CSMD1: variants seen among roughly 807,000 people sequenced by gnomAD.
The protein encoded by CSMD1 is CUB and sushi domain-containing protein 1.
Under a neutral mutation model 417.5 loss-of-function variants are expected in CSMD1, and 213 were observed. That is an observed-to-expected ratio of 0.51 (90% CI 0.46 to 0.57). The LOEUF (loss-of-function observed/expected upper bound fraction) is 0.57. Among genes scored for constraint, CSMD1 ranks in the 20% least tolerant of loss-of-function variants. CSMD1 has a pLI of 0.00. For missense variants in CSMD1, 6,923 were observed against 4,529.7 expected, an observed-to-expected ratio of 1.53 and a Z score of -15.17; for synonymous variants, 2,862 against 1,736.8, an observed-to-expected ratio of 1.65 and a Z score of -16.11.
intron 1 of CSMD1, among the ~76,000 whole-genome samples, chr8:4,831,199 G>A (rs1421347917): frequency 6.6e-6 from 1 of 152,190 alleles, no homozygotes; most frequent in African/African-American, 2.4e-5. Flanking sequence ...ACTATTGGCA[G>A]ATGTCCTTTC....
chr8:3,999,580 G>C (rs772280993), intron 4 of CSMD1, among the ~76,000 whole-genome samples: 1 of 152,174 alleles, frequency 6.6e-6, no homozygotes, highest in Non-Finnish European at 1.5e-5. Flanking sequence ...AAGAATGCCA[G>C]GGGCATAGGG....
chr8:4,401,164 C>A (rs73658847), intron 3 of CSMD1, among the ~76,000 whole-genome samples: 87 of 152,166 alleles, frequency 5.7e-4, no homozygotes, highest in Non-Finnish European at 9.3e-4. Flanking sequence ...TTCATCAAAA[C>A]AGGGGTTCCA....
chr8:4,093,868 G>C (rs1003504276), intron 3 of CSMD1, among the ~76,000 whole-genome samples: 2 of 152,100 alleles, frequency 1.3e-5, no homozygotes, highest in Non-Finnish European at 2.9e-5. Context: ...GCTGAGGCAG[G>C]AGAATCACTT....
At chr8:4,667,111 T>G (rs1031714746) in intron 1 of CSMD1, among the ~76,000 whole-genome samples, 2 of 152,184 alleles carry the variant, frequency 1.3e-5, no homozygotes, top group Non-Finnish European at 2.9e-5. Flanking sequence ...AAAGACTATT[T>G]TTTCTCCATT....
chr8:3,577,119 C>T (rs545392898), intron 9 of CSMD1, among the ~76,000 whole-genome samples: 3 of 152,154 alleles, frequency 2.0e-5, no homozygotes, highest in Non-Finnish European at 2.9e-5. Flanking sequence ...TGTTCCCAGC[C>T]GGAAAGATCC....
chr8:4,801,055 A>G (rs1798257148), intron 1 of CSMD1, among the ~76,000 whole-genome samples: 1 of 152,222 alleles, frequency 6.6e-6, no homozygotes, highest in Non-Finnish European at 1.5e-5. Context: ...AAAAAGTAAA[A>G]GGGAAAAAAA....
At chr8:3,110,410 A>G (rs1462647143) in intron 42 of CSMD1, 75 bp from the exon 43 acceptor site, 3 of 1,262,068 alleles carry the variant, frequency 2.4e-6, no homozygotes, top group African/African-American at 1.5e-5. Flanking sequence ...ATTTGACTCC[A>G]AAGTACCTTA....
At chr8:3,686,468 T>C (rs1391490301) in intron 7 of CSMD1, among the ~76,000 whole-genome samples, 1 of 152,148 alleles carries the variant, frequency 6.6e-6, no homozygotes, top group African/African-American at 2.4e-5. Flanking sequence ...TATGCTGCTC[T>C]GGCATGTTTA....
At position 4,785,696 on chromosome 8, in the gene CSMD1, G is replaced by C. The variant is rs546607342; in HGVS notation, c.86-148138C>G. On this transcript the variant is annotated intron_variant, in intron 1 of 69. Coordinates refer to ENST00000635120, the MANE Select transcript of CSMD1 (RefSeq NM_033225.6). ...ACTGACAAAATGAAGAAAGGAGAAA[G>C]GAAGGGAGGATCACCCTTTATAATA... Among the ~76,000 whole-genome samples, 32 of 152,148 alleles carry C rather than the reference G, an allele frequency of 2.1e-4. No individual in the cohort carries two copies. The South Asian group carries it at 6.0e-3, about 29-fold the overall frequency.
chr8:4,852,264 G>A (rs1417362511), intron 1 of CSMD1, among the ~76,000 whole-genome samples: 1 of 152,120 alleles, frequency 6.6e-6, no homozygotes, highest in African/African-American at 2.4e-5. Context: ...TTTGGAGGTG[G>A]GGCCTTGTGG....
At chr8:4,172,886 C>T (rs904104378) in intron 3 of CSMD1, among the ~76,000 whole-genome samples, 2 of 152,116 alleles carry the variant, frequency 1.3e-5, no homozygotes, top group African/African-American at 2.4e-5. Context: ...GAGCCCAGCC[C>T]ATTCCAGGAG....
In CSMD1 at chr8:4,539,849, T is replaced by C. The variant is rs1306265657; in HGVS notation, c.302+97493A>G. Among the ~76,000 whole-genome samples, 5 of 152,288 alleles carry C rather than the reference T, an allele frequency of 3.3e-5. No individual in the cohort carries two copies. In the East Asian group the frequency reaches 9.7e-4, roughly 29 times the overall value. On this transcript the variant is annotated intron_variant, in intron 2 of 69. Transcript: ENST00000635120. ...TGTATGAAATAGTTTTCCCAAACTC[T>C]TTTCTGGGTCACCTTCTGCCTCAAG... is the stretch of plus-strand genomic sequence containing the variant.
At chr8:3,953,799 C>G (rs564992342) in intron 5 of CSMD1, among the ~76,000 whole-genome samples, 2 of 152,048 alleles carry the variant, frequency 1.3e-5, no homozygotes, top group Non-Finnish European at 2.9e-5. Flanking sequence ...CACCTCAGAG[C>G]TATACAGCCA....
intron 3 of CSMD1, among the ~76,000 whole-genome samples, chr8:4,247,478 T>C (rs184625814): frequency 5.4e-4 from 83 of 152,300 alleles, no homozygotes; most frequent in Non-Finnish European, 1.0e-3. Flanking sequence ...TATCTCAATA[T>C]TTATGCAGGC....
intron 3 of CSMD1, among the ~76,000 whole-genome samples, chr8:4,094,720 G>A (rs1026684826): frequency 6.6e-6 from 1 of 152,126 alleles, no homozygotes; most frequent in Non-Finnish European, 1.5e-5. Flanking sequence ...ACAGGGCAGT[G>A]GGGAGCCTCC....
chr8:3,627,444 C>G (rs543176084), intron 7 of CSMD1, among the ~76,000 whole-genome samples: 1 of 152,220 alleles, frequency 6.6e-6, no homozygotes, highest in South Asian at 2.1e-4. Flanking sequence ...TTAACATGCA[C>G]TGAGAAGACT....
intron 25 of CSMD1, among the ~76,000 whole-genome samples, chr8:3,306,663 CAG>C (rs1491080648): frequency 7.9e-5 from 12 of 152,118 alleles, no homozygotes; most frequent in African/African-American, 1.2e-4. Flanking sequence ...AACAATGAAA[CAG>C]AAAGGTTAAT....
At chr8:4,899,822 T>C (rs950594688) in intron 1 of CSMD1, among the ~76,000 whole-genome samples, 6 of 152,174 alleles carry the variant, frequency 3.9e-5, no homozygotes, top group Admixed American at 1.3e-4. Context: ...TCACACAGTG[T>C]AACAAATAAG....
At position 4,543,635 on chromosome 8, in the gene CSMD1, A is replaced by C. The variant is rs986089478; in HGVS notation, c.302+93707T>G. ...CAATTCATTTCAGTAGATACCTATG[A>C]TGGCTGGATCATATGGGAAGGACAC... On this transcript the variant is annotated intron_variant, in intron 2 of 69. Transcript: ENST00000635120. 6.7e-5 allele frequency among the ~76,000 whole-genome samples: 9 copies of C among 134,958 alleles called. No individual in the cohort carries two copies. The Admixed American group carries it at 7.2e-4, about 11-fold the overall frequency. 88.5% of individuals were successfully genotyped at this position (134,958 alleles called of 152,430 possible).
Sources: gnomAD v4.1 joint callset for allele counts (sites outside exome capture counted in the v4.1 genomes callset) on GRCh38, gnomAD v4.1.1 for gene constraint, MANE v1.5 for transcripts, NCBI Gene and HGNC (gene_info 2026-07-23, HGNC 2026-07-21) for gene names.